CACNA1S: variants seen among roughly 807,000 people sequenced by gnomAD.
CACNA1S encodes calcium voltage-gated channel subunit alpha1 S.
A neutral mutation model predicts 207.4 loss-of-function variants in CACNA1S; 126 were observed. That is an observed-to-expected ratio of 0.61 (90% CI 0.53 to 0.70). CACNA1S has a LOEUF of 0.70. Among genes scored for constraint, CACNA1S ranks in the 30% least tolerant of loss-of-function variants. The pLI is 0.00. For missense variants in CACNA1S, 2,349 were observed against 2,422.8 expected (o/e 0.97, Z 0.64); for synonymous variants, 960 against 932.7 (o/e 1.03, Z -0.53).
chr1:201,085,762 C>A (rs536849329), intron 7 of CACNA1S, among the ~76,000 whole-genome samples, 181 bp from the exon 8 acceptor site: 1 of 152,154 alleles, frequency 6.6e-6, no homozygotes, highest in African/African-American at 2.4e-5. Flanking sequence ...CCTCTCACTT[C>A]CTGCTCACCC....
rs1180287766 is a variant in CACNA1S, at chr1:201,047,645, A to C, written c.4442-19T>G. On this transcript the variant is annotated intron_variant, in intron 36 of 43. Coordinates refer to ENST00000362061, the MANE Select transcript of CACNA1S (RefSeq NM_000069.3). ...AAGTTACCTGGAGCAGGAGAAAGGC[A>C]AAAGTTACCCAGATCACACCAACTG... 19 of 1,574,052 alleles carry C rather than the reference A, an allele frequency of 1.2e-5. No individual in the cohort carries two copies. Among genetic ancestry groups the C allele is most frequent in the Non-Finnish European group, 1.7e-5 (19 of 1,143,662 alleles).
intron 15 of CACNA1S, 99 bp downstream of exon 15, chr1:201,073,450 C>T (rs1661489890): frequency 3.0e-6 from 3 of 997,968 alleles, no homozygotes; most frequent in East Asian, 4.8e-5. Flanking sequence ...AACTCTCCTA[C>T]CTCCCCACCC....
chr1:201,092,211 G>A, intron 3 of CACNA1S, 97 bp from the exon 4 acceptor site: 1 of 1,396,844 alleles, frequency 7.2e-7, no homozygotes, highest in Non-Finnish European at 1.0e-6. Flanking sequence ...TTGAGCACCT[G>A]TGGAAAGGCC....
chr1:201,046,027 C>CTT (rs1558053572), intron 38 of CACNA1S, among the ~76,000 whole-genome samples: 3 of 152,022 alleles, frequency 2.0e-5, no homozygotes, highest in Non-Finnish European at 4.4e-5. Flanking sequence ...TTGAGCACAG[C>CTT]TCAAATGCAT....
chr1:201,075,587 A>G lies in CACNA1S; in HGVS notation c.1856T>C (p.Met619Thr). ...QVLTGEDWTS[M>T]MYNGIMAYGG... The stretch of plus-strand genomic sequence containing the variant: ...GTAGGCCATGATCCCATTGTACATC[A>G]TTGAGGTCCAGTCTTCCCCTGTCAG... The change falls in exon 13 of 44, where the codon ATG (methionine) becomes ACG (threonine). Residue 619 changes from methionine to threonine, a missense_variant. Transcript: ENST00000362061. 1.2e-6 allele frequency: 2 copies of G among 1,614,166 alleles called. No individual in the cohort carries two copies. The highest frequency in any genetic ancestry group is 1.1e-5 in the South Asian group (1 of 91,088).
intron 10 of CACNA1S, among the ~76,000 whole-genome samples, chr1:201,080,138 C>T (rs1661790495): frequency 6.6e-6 from 1 of 152,078 alleles, no homozygotes. Context: ...CCAATGCGTC[C>T]CAGATTTAGT....
chr1:201,096,189 T>C (rs1355967875), intron 2 of CACNA1S, among the ~76,000 whole-genome samples: 1 of 152,146 alleles, frequency 6.6e-6, no homozygotes, highest in East Asian at 1.9e-4. Context: ...ATGAGGTCAC[T>C]CAGTTTCCTC....
chr1:201,093,604 C>G (rs1222823216), intron 3 of CACNA1S, among the ~76,000 whole-genome samples: 1 of 152,220 alleles, frequency 6.6e-6, no homozygotes, highest in African/African-American at 2.4e-5. Context: ...ACATCCATAT[C>G]ATTTCCAAAT....
chr1:201,051,064 C>A lies in CACNA1S; in HGVS notation c.4033G>T (p.Ala1345Ser). 1.2e-6 allele frequency: 2 copies of A among 1,614,230 alleles called. No homozygotes were observed. Among genetic ancestry groups the A allele is most frequent in the East Asian group, 4.5e-5 (2 of 44,884 alleles). Residue 1345 changes from alanine (A) to serine (S), a missense_variant, in exon 33 of 44, where the codon GCC becomes TCC. By Grantham distance (99) the Ala-to-Ser change is moderately conservative. Transcript: ENST00000362061. ...GKLCDPESDYAPGEEYTCGTN... is the reference protein window; with the variant it reads ...GKLCDPESDYSPGEEYTCGTN... ...CCACATGTGTACTCCTCCCCTGGGG[C>A]ATAGTCCGACTCTGGGTCACACAGC...
chr1:201,046,422 C>T (rs1173713908), intron 38 of CACNA1S, among the ~76,000 whole-genome samples: 1 of 152,184 alleles, frequency 6.6e-6, no homozygotes, highest in East Asian at 1.9e-4. Flanking sequence ...CTCAAGTGAT[C>T]CGCCCTTCTT....
chr1:201,047,638 G>T lies in CACNA1S; in HGVS notation c.4442-12C>A. 6.2e-7 allele frequency: 1 copy of T among 1,605,570 alleles called. No individual in the cohort carries two copies. The highest frequency in any genetic ancestry group is 8.5e-7 in the Non-Finnish European group (1 of 1,172,254). ...CTGCTCAAAGTTACCTGGAGCAGGA[G>T]AAAGGCAAAAGTTACCCAGATCACA... On this transcript the variant is annotated splice_polypyrimidine_tract_variant and intron_variant, in intron 36 of 43. Transcript: ENST00000362061.
chr1:201,107,921 C>T (rs1422603776), intron 2 of CACNA1S, among the ~76,000 whole-genome samples: 1 of 152,174 alleles, frequency 6.6e-6, no homozygotes, highest in Non-Finnish European at 1.5e-5. Context: ...GCTTTGGAAA[C>T]ATTTCTGATT....
In CACNA1S at chr1:201,052,620, C is replaced by G. The variant is rs749856222; in HGVS notation, c.3890G>C (p.Gly1297Ala). The change falls in exon 32 of 44, where the codon GGG (glycine) becomes GCG (alanine). Residue 1297 changes from glycine (G) to alanine (A), a missense_variant. Physicochemically the swap from Gly to Ala is moderately conservative, Grantham distance 60. Transcript: ENST00000362061. ...GTTGTTGTTCCGGTTTATTTGGGTC[C>G]CATCCACCAAGGCGATCTTCCCAAA... ...QMFGKIALVD[G>A]TQINRNNNFQ... The G allele has an allele frequency of 2.5e-6, 4 of 1,613,820 alleles. No homozygotes were observed. Among genetic ancestry groups the G allele is most frequent in the Admixed American group, 1.7e-5 (1 of 59,994 alleles).
At chr1:201,076,712 A>G (rs1421606745) in intron 12 of CACNA1S, among the ~76,000 whole-genome samples, 1 of 152,248 alleles carries the variant, frequency 6.6e-6, no homozygotes, top group East Asian at 1.9e-4. Context: ...CAGACAAAGT[A>G]GGTGCAGCTG....
At chr1:201,102,127 G>A (rs1662693296) in intron 2 of CACNA1S, among the ~76,000 whole-genome samples, 1 of 152,186 alleles carries the variant, frequency 6.6e-6, no homozygotes, top group African/African-American at 2.4e-5. Context: ...GGTTTCTGTG[G>A]TGCTGGATAC....
chr1:201,068,479 G>A (rs752256554), intron 19 of CACNA1S, among the ~76,000 whole-genome samples: 5 of 150,046 alleles, frequency 3.3e-5, no homozygotes, highest in African/African-American at 1.2e-4. Context: ...TTGACCTCAG[G>A]TGATCCGCCC....
intron 9 of CACNA1S, 114 bp from the exon 10 acceptor site, chr1:201,083,436 C>T: frequency 2.0e-6 from 2 of 1,012,436 alleles, no homozygotes; most frequent in Non-Finnish European, 3.1e-6. Flanking sequence ...CCACTTCCGC[C>T]AGCCACATGA....
At chr1:201,075,064 A>G (rs992579318) in intron 13 of CACNA1S, among the ~76,000 whole-genome samples, 1 of 151,872 alleles carries the variant, frequency 6.6e-6, no homozygotes, top group African/African-American at 2.4e-5. Context: ...TGCTCCTCTC[A>G]TCTCTCAGCC....
chr1:201,096,593 C>A (rs1025766974), intron 2 of CACNA1S, among the ~76,000 whole-genome samples: 1 of 152,308 alleles, frequency 6.6e-6, no homozygotes, highest in South Asian at 2.1e-4. Context: ...AGGTGGGAGG[C>A]AGAAGATGTA....
Sources: allele counts gnomAD v4.1 joint callset (sites outside exome capture counted in the v4.1 genomes callset), GRCh38; gene constraint gnomAD v4.1.1; transcripts MANE v1.5; gene names NCBI Gene and HGNC (gene_info 2026-07-23, HGNC 2026-07-21).